The following CNKSR2 variants were observed in gnomAD, a reference collection of about 807,000 sequenced individuals.
CNKSR2 encodes the protein CNK homolog protein 2.
CNKSR2 carries 14 observed loss-of-function variants against 84.4 expected under a neutral mutation model. That is an observed-to-expected ratio of 0.17 (90% CI 0.11 to 0.26). CNKSR2 has a LOEUF of 0.26. Ranked by LOEUF, CNKSR2 falls within the 10% of genes least tolerant of loss-of-function variation. The pLI, the probability that CNKSR2 is intolerant of heterozygous loss-of-function variation, is 1.00. For missense variants in CNKSR2, 485 were observed against 771.2 expected (o/e 0.63, Z 4.40); for synonymous variants, 275 against 277.9 (o/e 0.99, Z 0.10).
intron 15 of CNKSR2, chrX:21,592,515 A>C (rs1037423225): frequency 1.8e-5 from 2 of 111,698 alleles, no homozygotes; most frequent in Non-Finnish European, 3.8e-5. Flanking sequence ...AGGGAGGTTG[A>C]GGCTGCAGTG....
At chrX:21,538,658 T>C (rs773577694) in intron 11 of CNKSR2, 1 of 111,901 alleles carries the variant, frequency 8.9e-6, no homozygotes, top group East Asian at 2.8e-4. Flanking sequence ...AGCTGAGGAG[T>C]AAGGAAGCCA....
intron 13 of CNKSR2, among the ~76,000 whole-genome samples, chrX:21,565,826 C>T (rs772593049): frequency 9.0e-6 from 1 of 111,644 alleles, no homozygotes; most frequent in Admixed American, 9.5e-5. Context: ...AGGATCTCAC[C>T]TTGCCCTTAT....
intron 8 of CNKSR2, 81 bp from the exon 9 acceptor site, chrX:21,516,404 C>A: frequency 2.1e-6 from 2 of 970,255 alleles, no homozygotes; most frequent in Non-Finnish European, 1.4e-6. Flanking sequence ...TTTTTTTTTA[C>A]TAATCTTATT....
At chrX:21,633,505 A>G (rs2092657323) in intron 20 of CNKSR2, among the ~76,000 whole-genome samples, 1 of 112,549 alleles carries the variant, frequency 8.9e-6, no homozygotes, top group South Asian at 3.6e-4. Context: ...ATCCGTTGCT[A>G]TATTTGAATA....
chrX:21,448,214 A>G (rs1243471748), intron 4 of CNKSR2, among the ~76,000 whole-genome samples: 1 of 111,633 alleles, frequency 9.0e-6, no homozygotes, highest in Non-Finnish European at 1.9e-5. Flanking sequence ...AACAGCCCAG[A>G]GCCTATACAT....
At chrX:21,615,693 A>C in intron 20 of CNKSR2, among the ~76,000 whole-genome samples, 1 of 111,729 alleles carries the variant, frequency 9.0e-6, no homozygotes, top group East Asian at 2.8e-4. Flanking sequence ...ATAATTATAT[A>C]GATTTTATGT....
chrX:21,642,671 A>G (rs2092695475), intron 20 of CNKSR2: 5 of 714,517 alleles, frequency 7.0e-6, no homozygotes, highest in Non-Finnish European at 8.3e-6. Flanking sequence ...GTGGTATTGC[A>G]TAATGTGAAT....
At chrX:21,650,273 C>G (rs992599184) in intron 21 of CNKSR2, among the ~76,000 whole-genome samples, 1 of 110,619 alleles carries the variant, frequency 9.0e-6, no homozygotes, top group African/African-American at 3.3e-5. Context: ...ATGTCCTTTG[C>G]AGGGGCATAG....
intron 13 of CNKSR2, among the ~76,000 whole-genome samples, chrX:21,582,771 G>T (rs892495440): frequency 2.7e-5 from 3 of 111,833 alleles, no homozygotes; most frequent in Non-Finnish European, 5.6e-5. Flanking sequence ...AAGGATGGCA[G>T]TTCTTATTTC....
intron 1 of CNKSR2, among the ~76,000 whole-genome samples, chrX:21,413,287 G>A (rs2090370586): frequency 9.0e-6 from 1 of 110,679 alleles, no homozygotes; most frequent in South Asian, 3.8e-4. Context: ...ATTTTAAAAT[G>A]TGTATACAAC....
At chrX:21,527,759 CA>C (rs745713881) in intron 10 of CNKSR2, among the ~76,000 whole-genome samples, 5 of 110,851 alleles carry the variant, frequency 4.5e-5, no homozygotes, top group Admixed American at 9.6e-5. Context: ...ATACCAATCA[CA>C]AAAAAACTTG....
intron 20 of CNKSR2, chrX:21,641,491 G>T (rs746741027): frequency 8.6e-7 from 1 of 1,163,699 alleles, no homozygotes; most frequent in East Asian, 3.2e-5. Context: ...AATGGCACTC[G>T]CAGGTCTTTC....
intron 11 of CNKSR2, among the ~76,000 whole-genome samples, chrX:21,558,790 A>C (rs1445811990): frequency 9.0e-6 from 1 of 111,354 alleles, no homozygotes; most frequent in Non-Finnish European, 1.9e-5. Flanking sequence ...CCAAACAACC[A>C]ATTTTCAAAA....
At chrX:21,408,254 A>G (rs1469567204) in intron 1 of CNKSR2, among the ~76,000 whole-genome samples, 1 of 112,097 alleles carries the variant, frequency 8.9e-6, no homozygotes, top group Non-Finnish European at 1.9e-5. Flanking sequence ...GGAAATTCCC[A>G]TTAACCTGTG....
chrX:21,431,200 A>G (rs2090629703), intron 2 of CNKSR2, among the ~76,000 whole-genome samples: 1 of 111,846 alleles, frequency 8.9e-6, no homozygotes, highest in African/African-American at 3.2e-5. Flanking sequence ...CCTAAATGTT[A>G]TATACAAAGT....
At chrX:21,529,466 C>T (rs1450529884) in intron 10 of CNKSR2, among the ~76,000 whole-genome samples, 1 of 111,038 alleles carries the variant, frequency 9.0e-6, no homozygotes, top group Non-Finnish European at 1.9e-5. Flanking sequence ...ACTAATTTCT[C>T]CTATTAACTC....
intron 5 of CNKSR2, among the ~76,000 whole-genome samples, chrX:21,475,681 CTT>C (rs950641364): frequency 2.7e-5 from 3 of 110,973 alleles, no homozygotes; most frequent in African/African-American, 9.8e-5. Context: ...ACCCCTAAAT[CTT>C]TATTTTGTCC....
chrX:21,548,787 A>G (rs775904149), intron 11 of CNKSR2, among the ~76,000 whole-genome samples: 3 of 112,079 alleles, frequency 2.7e-5, no homozygotes, highest in Non-Finnish European at 3.8e-5. Context: ...CAATAAACGT[A>G]ATCCATCACA....
At chrX:21,422,808 A>G (rs2147045042) in intron 1 of CNKSR2, among the ~76,000 whole-genome samples, 1 of 111,661 alleles carries the variant, frequency 9.0e-6, no homozygotes, top group African/African-American at 3.3e-5. Flanking sequence ...TATACTTTGT[A>G]TAATGTATCA....
Sources: allele counts gnomAD v4.1 joint callset (sites outside exome capture counted in the v4.1 genomes callset), GRCh38; gene constraint gnomAD v4.1.1; transcripts MANE v1.5; gene names NCBI Gene and HGNC (gene_info 2026-07-23, HGNC 2026-07-21).